Variants in CLSTN2 observed in about 807,000 individuals in gnomAD.
CLSTN2 encodes the protein calsyntenin-2.
Under a neutral mutation model 101.2 loss-of-function variants are expected in CLSTN2, and 48 were observed. The ratio of observed to expected loss-of-function variants is 0.47; its 90% CI spans 0.38 to 0.60. CLSTN2 has a LOEUF of 0.60. CLSTN2 is among the 20% of genes least tolerant of loss of function. The pLI is 0.00. For synonymous variants in CLSTN2, 481 were observed against 463.6 expected (o/e 1.04, Z -0.48); for missense variants, 1,160 against 1,238.2 (o/e 0.94, Z 0.95).
At chr3:140,125,942 A>C (rs2009421868) in intron 1 of CLSTN2, among the ~76,000 whole-genome samples, 1 of 152,180 alleles carries the variant, frequency 6.6e-6, no homozygotes, top group South Asian at 2.1e-4. Flanking sequence ...TGAAAGTGTC[A>C]TCGGGGCAGG....
At chr3:140,456,320 G>T (rs1018377095) in intron 6 of CLSTN2, among the ~76,000 whole-genome samples, 5 of 152,136 alleles carry the variant, frequency 3.3e-5, no homozygotes, top group African/African-American at 4.8e-5. Flanking sequence ...CACTAGCTGG[G>T]TGCCATCCTG....
At chr3:140,425,772 T>C (rs1410716532) in intron 5 of CLSTN2, among the ~76,000 whole-genome samples, 1 of 152,230 alleles carries the variant, frequency 6.6e-6, no homozygotes, top group Middle Eastern at 3.2e-3. Context: ...GAGCTTTGTC[T>C]TCTCTGCTGT....
chr3:140,392,160 G>A (rs2088121513), intron 2 of CLSTN2, among the ~76,000 whole-genome samples: 1 of 150,558 alleles, frequency 6.6e-6, no homozygotes, highest in Admixed American at 6.7e-5. Context: ...GTATCCAACA[G>A]AAACATTACT....
At chr3:140,270,713 G>A (rs2086735320) in intron 2 of CLSTN2, among the ~76,000 whole-genome samples, 1 of 152,140 alleles carries the variant, frequency 6.6e-6, no homozygotes, top group South Asian at 2.1e-4. Context: ...CCAGGAAGTG[G>A]CAAGTGCCAC....
Position 140,564,100 on chromosome 3 carries a change from G to A in CLSTN2, c.2622G>A (p.Met874Ile), listed in dbSNP as rs1455949489. 6.2e-7 allele frequency: 1 copy of A among 1,614,130 alleles called. No homozygotes were observed. Among genetic ancestry groups the A allele is most frequent in the Admixed American group, 1.7e-5 (1 of 60,022 alleles). The change falls in exon 16 of 17, where the codon ATG (methionine) becomes ATA (isoleucine). Residue 874 changes from methionine to isoleucine, a missense_variant. Coordinates refer to ENST00000458420, the MANE Select transcript of CLSTN2 (RefSeq NM_022131.3). ...QETEAAKESE[M>I]DWDDSALTIT... ...CTGAGGCTGCCAAGGAATCTGAGAT[G>A]GACTGGGACGATTCTGCGCTGACTA...
chr3:140,240,005 A>C (rs1448830221), intron 2 of CLSTN2, among the ~76,000 whole-genome samples: 1 of 150,292 alleles, frequency 6.7e-6, no homozygotes, highest in Non-Finnish European at 1.5e-5. Context: ...ATCATTGCAG[A>C]GGGCAGGATA....
At chr3:140,051,271 G>T (rs1335028097) in intron 1 of CLSTN2, among the ~76,000 whole-genome samples, 3 of 152,234 alleles carry the variant, frequency 2.0e-5, no homozygotes, top group Non-Finnish European at 4.4e-5. Context: ...AATCTTGTGG[G>T]ATGTGTAATT....
intron 6 of CLSTN2, chr3:140,449,591 G>A (rs914819302): frequency 3.3e-5 from 5 of 152,214 alleles, no homozygotes; most frequent in Non-Finnish European, 5.9e-5. Flanking sequence ...GTCCTTTTAC[G>A]GCTTCTTCCA....
At chr3:140,029,388 A>C (rs547409316) in intron 1 of CLSTN2, among the ~76,000 whole-genome samples, 1 of 152,352 alleles carries the variant, frequency 6.6e-6, no homozygotes, top group African/African-American at 2.4e-5. Flanking sequence ...TATGGTATGT[A>C]TATGTTCTTA....
chr3:140,308,022 G>A (rs1334788038), intron 2 of CLSTN2, among the ~76,000 whole-genome samples: 1 of 152,166 alleles, frequency 6.6e-6, no homozygotes, highest in Non-Finnish European at 1.5e-5. Context: ...GCTCATGAAT[G>A]TGAAGGATGA....
intron 4 of CLSTN2, among the ~76,000 whole-genome samples, chr3:140,410,090 G>C (rs1430793630): frequency 6.6e-6 from 1 of 151,888 alleles, no homozygotes; most frequent in Non-Finnish European, 1.5e-5. Context: ...ATGTTTTGGG[G>C]GTATTTATAT....
chr3:140,016,792 T>TAA (rs1491185242), intron 1 of CLSTN2, among the ~76,000 whole-genome samples: 1 of 33,370 alleles, frequency 3.0e-5, no homozygotes, highest in Admixed American at 4.8e-4. Context: ...AGTGAGACTC[T>TAA]GAAAAAAAAA....
intron 8 of CLSTN2, among the ~76,000 whole-genome samples, chr3:140,477,446 G>T (rs1409238918): frequency 6.6e-6 from 1 of 152,138 alleles, no homozygotes; most frequent in African/African-American, 2.4e-5. Context: ...GGTTTTAGGT[G>T]CAAGAATAGG....
At chr3:140,463,175 T>A (rs1432793923) in intron 7 of CLSTN2, among the ~76,000 whole-genome samples, 1 of 152,208 alleles carries the variant, frequency 6.6e-6, no homozygotes, top group East Asian at 1.9e-4. Flanking sequence ...CCCTGCCTTG[T>A]CGCAGTAATC....
rs1431755975 is a variant in CLSTN2 at position 140,574,775 on chromosome 3, C to T, written c.*8522C>T. 1 of 152,152 alleles carries T rather than the reference C, an allele frequency of 6.6e-6. No homozygotes were observed. The highest frequency in any genetic ancestry group is 1.9e-4 in the East Asian group (1 of 5,196). The allele number at this position is 152,152 out of a possible 1,614,324, so 9.4% of individuals were successfully genotyped here. On this transcript the variant is annotated 3_prime_UTR_variant, in exon 17 of 17. Coordinates refer to ENST00000458420, the MANE Select transcript of CLSTN2 (RefSeq NM_022131.3). ...CCTTTTCCCCGGCAGGAGGAGCTAC[C>T]AGAGAAATGAGCCCACATTTTGTGT...
At chr3:140,301,991 TTAA>T (rs1209903675) in intron 2 of CLSTN2, among the ~76,000 whole-genome samples, 2 of 152,232 alleles carry the variant, frequency 1.3e-5, no homozygotes, top group African/African-American at 4.8e-5. Context: ...AAATATATTT[TTAA>T]GAAGGCAGAT....
At chr3:139,952,979 G>C (rs1935318794) in intron 1 of CLSTN2, among the ~76,000 whole-genome samples, 1 of 152,148 alleles carries the variant, frequency 6.6e-6, no homozygotes, top group Admixed American at 6.5e-5. Context: ...CCCATAGCCA[G>C]CTCAGAATGG....
At chr3:140,490,401 G>A (rs550926513) in intron 8 of CLSTN2, among the ~76,000 whole-genome samples, 7 of 151,150 alleles carry the variant, frequency 4.6e-5, no homozygotes, top group East Asian at 2.0e-4. Flanking sequence ...GCAACACTGC[G>A]GAATCATTTT....
At chr3:140,318,052 G>A (rs934440556) in intron 2 of CLSTN2, among the ~76,000 whole-genome samples, 2 of 152,178 alleles carry the variant, frequency 1.3e-5, no homozygotes, top group Admixed American at 1.3e-4. Flanking sequence ...TCTTAGATGA[G>A]GATAGTAAGA....
Sources: allele counts gnomAD v4.1 joint callset (sites outside exome capture counted in the v4.1 genomes callset), GRCh38; gene constraint gnomAD v4.1.1; transcripts MANE v1.5; gene names NCBI Gene and HGNC (gene_info 2026-07-23, HGNC 2026-07-21).